The following CTXN1 variants were observed in gnomAD, a reference collection of about 807,000 sequenced individuals.
CTXN1 encodes the protein cortexin-1.
A neutral mutation model predicts 5.5 loss-of-function variants in CTXN1; 4 were observed. The observed-to-expected ratio is 0.73, with a 90% CI of 0.36 to 1.68. CTXN1 has a LOEUF of 1.68. Among genes scored for constraint, CTXN1 ranks in the 40% most tolerant of loss-of-function variants. The pLI is 0.05. For missense variants in CTXN1, 111 were observed against 123.0 expected (o/e 0.90, Z 0.46); for synonymous variants, 67 against 62.8 (o/e 1.07, Z -0.32).
Position 7,925,014 on chromosome 19 carries a change from A to G in CTXN1, c.*276T>C. ...GGGGTCCTCCTCCCGCCCGGGATTC[A>G]GAGTCGGGGGTGGGGGCCAGCCGGG... is the stretch of plus-strand genomic sequence containing the variant. On this transcript the variant is annotated 3_prime_UTR_variant, in exon 2 of 2. Coordinates refer to ENST00000318978, the MANE Select transcript of CTXN1 (RefSeq NM_206833.4). This position sits in a 1 kb window ranked among gnomAD's most constrained non-coding sequence, Gnocchi z 5.0. 1 of 293,348 alleles carries G rather than the reference A, an allele frequency of 3.4e-6. No homozygotes were observed. The highest frequency in any genetic ancestry group is 6.2e-6 in the Non-Finnish European group (1 of 160,046). 18.2% of individuals were successfully genotyped at this position (293,348 alleles called of 1,614,324 possible).
chr19:7,925,038 G>A lies in CTXN1; in HGVS notation c.*252C>T. On this transcript the variant is annotated 3_prime_UTR_variant, in exon 2 of 2. Coordinates refer to ENST00000318978, the MANE Select transcript of CTXN1 (RefSeq NM_206833.4). The surrounding 1 kb of genome is among the most constrained non-coding windows in gnomAD (Gnocchi z 5.0). ...CAGAGTCGGGGGTGGGGGCCAGCCGGGCGGGTGAGATGCGCAGAGAGGAAG... is the reference window on the plus strand; with the variant it reads ...CAGAGTCGGGGGTGGGGGCCAGCCGAGCGGGTGAGATGCGCAGAGAGGAAG... 1 of 334,654 alleles carries A rather than the reference G, an allele frequency of 3.0e-6. No homozygotes were observed. The highest frequency in any genetic ancestry group is 5.4e-6 in the Non-Finnish European group (1 of 185,812). 20.7% of individuals were successfully genotyped at this position (334,654 alleles called of 1,614,324 possible). A position where few individuals can be genotyped will look rare whatever the true frequency, so the allele number is the denominator to read the frequency against.
In CTXN1 at chr19:7,925,419, C is replaced by T. The variant is rs777606181; in HGVS notation, c.120G>A (p.Val40=). The T allele has an allele frequency of 6.9e-6, 11 of 1,588,362 alleles. No individual in the cohort carries two copies. Among genetic ancestry groups the T allele is most frequent in the South Asian group, 3.4e-5 (3 of 88,780 alleles). The part of the protein sequence containing the change: ...TVFAFVLCLL[V]VLVLLMVRCV... ...AGCGCACCATCAACAGCACCAGCAC[C>T]ACGAGCAGGCAGAGCACGAAGGCGA... Residue 40 remains valine, a synonymous_variant, in exon 2 of 2, where the codon GTG becomes GTA. Coordinates refer to ENST00000318978, the MANE Select transcript of CTXN1 (RefSeq NM_206833.4). This position sits in a 1 kb window ranked among gnomAD's most constrained non-coding sequence, Gnocchi z 5.0.
In CTXN1 at chr19:7,925,350, C is replaced by A; in HGVS notation, c.189G>T (p.Ser63=). 6.3e-7 allele frequency: 1 copy of A among 1,576,096 alleles called. No homozygotes were observed. Among genetic ancestry groups the A allele is most frequent in the East Asian group, 2.4e-5 (1 of 41,090 alleles). The change falls in exon 2 of 2, where the codon TCG becomes TCT. Residue 63 remains serine (S), a synonymous_variant. Coordinates refer to ENST00000318978, the MANE Select transcript of CTXN1 (RefSeq NM_206833.4). The surrounding 1 kb of genome is among the most constrained non-coding windows in gnomAD (Gnocchi z 5.0). ...LLDPYSRMPA[S]SWTDHKEALE... ...GCGCCTCCTTGTGGTCGGTCCAGGA[C>A]GAGGCGGGCATGCGGCTGTAGGGGT...
rs1462297062 is a variant in CTXN1 at position 7,925,534 on chromosome 19, C to T, written c.5G>A (p.Ser2Asn). The change falls in exon 2 of 2, where the codon AGC becomes AAC. Residue 2 changes from serine (S) to asparagine (N), a missense_variant. Coordinates refer to ENST00000318978, the MANE Select transcript of CTXN1 (RefSeq NM_206833.4). This position sits in a 1 kb window ranked among gnomAD's most constrained non-coding sequence, Gnocchi z 5.0. Reference sequence around the variant, plus strand: ...CTCCGGCGACAGCGTCCACGTCGCGCTCATGGCTCACATCGCCGCGCGCCC... The same window carrying T: ...CTCCGGCGACAGCGTCCACGTCGCGTTCATGGCTCACATCGCCGCGCGCCC... M[S>N]ATWTLSPEPL... is the part of the protein sequence containing the mutation. 7.0e-7 allele frequency: 1 copy of T among 1,434,722 alleles called. No homozygotes were observed. Among genetic ancestry groups the T allele is most frequent in the Non-Finnish European group, 9.1e-7 (1 of 1,097,850 alleles). 88.9% of individuals were successfully genotyped at this position (1,434,722 alleles called of 1,614,324 possible). A position where few individuals can be genotyped will look rare whatever the true frequency, so the allele number is the denominator to read the frequency against.
Position 7,925,443 on chromosome 19 carries a change from G to C in CTXN1, c.96C>G (p.Phe32Leu). 6.3e-7 allele frequency: 1 copy of C among 1,582,766 alleles called. No individual in the cohort carries two copies. The highest frequency in any genetic ancestry group is 8.5e-7 in the Non-Finnish European group (1 of 1,170,638). Residue 32 changes from phenylalanine (F) to leucine (L), a missense_variant, in exon 2 of 2, where the codon TTC (phenylalanine) becomes TTG (leucine). Physicochemically the swap from Phe to Leu is conservative, Grantham distance 22. Coordinates refer to ENST00000318978, the MANE Select transcript of CTXN1 (RefSeq NM_206833.4). This position sits in a 1 kb window ranked among gnomAD's most constrained non-coding sequence, Gnocchi z 5.0. ...CCACGAGCAGGCAGAGCACGAAGGC[G>C]AACACCGTGCGCTGCTCCGCGTCCA... is the stretch of plus-strand genomic sequence containing the variant. ...AGLDAEQRTV[F>L]AFVLCLLVVL...
In CTXN1 at chr19:7,925,206, G is replaced by C; in HGVS notation, c.*84C>G. The C allele has an allele frequency of 2.7e-6, 3 of 1,097,900 alleles. No individual in the cohort carries two copies. Among genetic ancestry groups the C allele is most frequent in the Non-Finnish European group, 2.3e-6 (2 of 861,710 alleles). The allele number at this position is 1,097,900 out of a possible 1,614,324, so 68.0% of individuals were successfully genotyped here. On this transcript the variant is annotated 3_prime_UTR_variant, in exon 2 of 2. Transcript: ENST00000318978. The surrounding 1 kb of genome is among the most constrained non-coding windows in gnomAD (Gnocchi z 5.0). ...TGGGGGCTCCGGGGCGGGATCCTGA[G>C]CGCAGTCCTGGCCCCGCGGCGCCCC...
chr19:7,926,099 G>GC lies in CTXN1; in HGVS notation c.-154dup, dbSNP rs1568291945. On this transcript the variant is annotated 5_prime_UTR_variant, in exon 1 of 2. Coordinates refer to ENST00000318978, the MANE Select transcript of CTXN1 (RefSeq NM_206833.4). ...GGCTCCGGCTCAGCCCACCCCACCC[G>GC]CCCCTGGAGCGGCGGAGACCGAGGC... The GC allele has an allele frequency of 1.5e-5, 2 of 130,648 alleles. No individual in the cohort carries two copies. The highest frequency in any genetic ancestry group is 5.5e-5 in the African/African-American group (2 of 36,178). 8.1% of individuals were successfully genotyped at this position (130,648 alleles called of 1,614,324 possible).
In CTXN1 at chr19:7,925,278, G is replaced by C. The variant is rs746575134; in HGVS notation, c.*12C>G. The C allele has an allele frequency of 7.3e-7, 1 of 1,364,542 alleles. No homozygotes were observed. Among genetic ancestry groups the C allele is most frequent in the African/African-American group, 1.5e-5 (1 of 67,170 alleles). The allele number at this position is 1,364,542 out of a possible 1,614,324, so 84.5% of individuals were successfully genotyped here. A position where few individuals can be genotyped will look rare whatever the true frequency, so the allele number is the denominator to read the frequency against. ...ACCCCGGCGCAGGGCCGGCTAGGGG[G>C]CGCCGCGCCCCTCACACCAACGCGT... On this transcript the variant is annotated 3_prime_UTR_variant, in exon 2 of 2. Transcript: ENST00000318978. The surrounding 1 kb of genome is among the most constrained non-coding windows in gnomAD (Gnocchi z 5.0).
chr19:7,925,577 G>C lies in CTXN1; in HGVS notation c.-20-19C>G. On this transcript the variant is annotated intron_variant, in intron 1 of 1. Transcript: ENST00000318978. The surrounding 1 kb of genome is among the most constrained non-coding windows in gnomAD (Gnocchi z 5.0). ...GCGCGCCCTGCGGAGGAGGGGACCC[G>C]CCCCGGGCGCCGGGGATGAGGCTGC... 1.5e-6 allele frequency: 2 copies of C among 1,323,522 alleles called. No homozygotes were observed. The highest frequency in any genetic ancestry group is 1.9e-6 in the Non-Finnish European group (2 of 1,043,838). 82.0% of individuals were successfully genotyped at this position (1,323,522 alleles called of 1,614,324 possible). A position where few individuals can be genotyped will look rare whatever the true frequency, so the allele number is the denominator to read the frequency against.
Position 7,925,659 on chromosome 19 carries a change from T to G in CTXN1, c.-20-101A>C. On this transcript the variant is annotated intron_variant, in intron 1 of 1. Coordinates refer to ENST00000318978, the MANE Select transcript of CTXN1 (RefSeq NM_206833.4). The surrounding 1 kb of genome is among the most constrained non-coding windows in gnomAD (Gnocchi z 5.0). ...CCCTCCTGCCGCCGCCGCCGCCGCCTCCCTTAACGTGCCCGACCCCATCCC... is the reference window on the plus strand; with the variant it reads ...CCCTCCTGCCGCCGCCGCCGCCGCCGCCCTTAACGTGCCCGACCCCATCCC... 9.9e-7 allele frequency: 1 copy of G among 1,013,270 alleles called. No homozygotes were observed. Among genetic ancestry groups the G allele is most frequent in the Admixed American group, 4.4e-5 (1 of 22,502 alleles). 62.8% of individuals were successfully genotyped at this position (1,013,270 alleles called of 1,614,324 possible).
In CTXN1 at chr19:7,925,431, G is replaced by A. The variant is rs774212466; in HGVS notation, c.108C>T (p.Leu36=). The change falls in exon 2 of 2, where the codon CTC becomes CTT. Residue 36 remains leucine (L), a synonymous_variant. Coordinates refer to ENST00000318978, the MANE Select transcript of CTXN1 (RefSeq NM_206833.4). This position sits in a 1 kb window ranked among gnomAD's most constrained non-coding sequence, Gnocchi z 5.0. ...ACAGCACCAGCACCACGAGCAGGCA[G>A]AGCACGAAGGCGAACACCGTGCGCT... ...AEQRTVFAFV[L]CLLVVLVLLM... 1.3e-6 allele frequency: 2 copies of A among 1,587,516 alleles called. No homozygotes were observed. The highest frequency in any genetic ancestry group is 1.7e-5 in the Admixed American group (1 of 58,250).
rs1276966827 is a variant in CTXN1 at position 7,925,531 on chromosome 19, G to A, written c.8C>T (p.Ala3Val). 2 of 1,447,340 alleles carry A rather than the reference G, an allele frequency of 1.4e-6. No individual in the cohort carries two copies. The highest frequency in any genetic ancestry group is 1.8e-6 in the Non-Finnish European group (2 of 1,103,936). 89.7% of individuals were successfully genotyped at this position (1,447,340 alleles called of 1,614,324 possible). MS[A>V]TWTLSPEPLP... ...GGGCTCCGGCGACAGCGTCCACGTC[G>A]CGCTCATGGCTCACATCGCCGCGCG... The change falls in exon 2 of 2, where the codon GCG (alanine) becomes GTG (valine). Residue 3 changes from alanine (A) to valine (V), a missense_variant. By Grantham distance (64) the Ala-to-Val change is moderately conservative. Transcript: ENST00000318978. This position sits in a 1 kb window ranked among gnomAD's most constrained non-coding sequence, Gnocchi z 5.0.
In CTXN1 at chr19:7,925,055, G is replaced by T; in HGVS notation, c.*235C>A. 2.8e-6 allele frequency: 1 copy of T among 357,600 alleles called. No individual in the cohort carries two copies. The highest frequency in any genetic ancestry group is 5.0e-6 in the Non-Finnish European group (1 of 200,468). 22.2% of individuals were successfully genotyped at this position (357,600 alleles called of 1,614,324 possible). Reference sequence around the variant, plus strand: ...GCCAGCCGGGCGGGTGAGATGCGCAGAGAGGAAGGGACAGGGCGGATAAAG... The same window carrying T: ...GCCAGCCGGGCGGGTGAGATGCGCATAGAGGAAGGGACAGGGCGGATAAAG... On this transcript the variant is annotated 3_prime_UTR_variant, in exon 2 of 2. Coordinates refer to ENST00000318978, the MANE Select transcript of CTXN1 (RefSeq NM_206833.4). This position sits in a 1 kb window ranked among gnomAD's most constrained non-coding sequence, Gnocchi z 5.0.
At position 7,925,757 on chromosome 19, in the gene CTXN1, C is replaced by T. The variant is rs929278967; in HGVS notation, c.-20-199G>A. On this transcript the variant is annotated intron_variant, in intron 1 of 1. Coordinates refer to ENST00000318978, the MANE Select transcript of CTXN1 (RefSeq NM_206833.4). This position sits in a 1 kb window ranked among gnomAD's most constrained non-coding sequence, Gnocchi z 5.0. ...ATCGCCGCCACCACCACGCGGGGACCCAACTCTGGCCGTGCGCGCAGGTGG... is the reference window on the plus strand; with the variant it reads ...ATCGCCGCCACCACCACGCGGGGACTCAACTCTGGCCGTGCGCGCAGGTGG... Among the ~76,000 whole-genome samples the T allele has an allele frequency of 4.0e-5, 6 of 151,528 alleles. No homozygotes were observed. The highest frequency in any genetic ancestry group is 1.2e-4 in the African/African-American group (5 of 41,356).
Position 7,924,809 on chromosome 19 carries a change from C to T in CTXN1, c.*481G>A, listed in dbSNP as rs1180560019. 1 of 152,898 alleles carries T rather than the reference C, an allele frequency of 6.5e-6. No homozygotes were observed. Among genetic ancestry groups the T allele is most frequent in the African/African-American group, 2.4e-5 (1 of 41,480 alleles). 9.5% of individuals were successfully genotyped at this position (152,898 alleles called of 1,614,324 possible). On this transcript the variant is annotated 3_prime_UTR_variant, in exon 2 of 2. Coordinates refer to ENST00000318978, the MANE Select transcript of CTXN1 (RefSeq NM_206833.4). The stretch of plus-strand genomic sequence containing the variant: ...AGGGCAAATTGGTATGCAGCGTCCG[C>T]CCCGTGGGCCCGGGAGAGCCTGCCC...
chr19:7,925,482 C>CG lies in CTXN1; in HGVS notation c.56dup (p.Val20GlyfsTer157). On this transcript the variant is annotated frameshift_variant, in exon 2 of 2. Transcript: ENST00000318978. LOFTEE classifies it high-confidence loss of function. This position sits in a 1 kb window ranked among gnomAD's most constrained non-coding sequence, Gnocchi z 5.0. ...GCTCCGCGTCCAGGCCCGCGCCCACCGGGGGCCCCGTCGACGGCGGCAGGG... is the reference window on the plus strand; with the variant it reads ...GCTCCGCGTCCAGGCCCGCGCCCACCGGGGGGCCCCGTCGACGGCGGCAGGG... 1 of 1,536,832 alleles carries CG rather than the reference C, an allele frequency of 6.5e-7. No individual in the cohort carries two copies. The highest frequency in any genetic ancestry group is 8.7e-7 in the Non-Finnish European group (1 of 1,148,750).
chr19:7,925,701 C>T lies in CTXN1; in HGVS notation c.-20-143G>A. 1 of 712,488 alleles carries T rather than the reference C, an allele frequency of 1.4e-6. No individual in the cohort carries two copies. The highest frequency in any genetic ancestry group is 3.8e-5 in the East Asian group (1 of 26,414). 44.1% of individuals were successfully genotyped at this position (712,488 alleles called of 1,614,324 possible). ...CCCCATCCCCCGCCCGCGCCTCGGT[C>T]CCCGGGCTACGCCCATGCCCGGCCC... On this transcript the variant is annotated intron_variant, in intron 1 of 1. Transcript: ENST00000318978. The surrounding 1 kb of genome is among the most constrained non-coding windows in gnomAD (Gnocchi z 5.0).
rs1599643608 is a variant in CTXN1, at chr19:7,925,527, C to T, written c.12G>A (p.Thr4=). 8 of 1,459,242 alleles carry T rather than the reference C, an allele frequency of 5.5e-6. No homozygotes were observed. Among genetic ancestry groups the T allele is most frequent in the Non-Finnish European group, 7.2e-6 (8 of 1,109,736 alleles). 90.4% of individuals were successfully genotyped at this position (1,459,242 alleles called of 1,614,324 possible). Residue 4 remains threonine (T), a synonymous_variant, in exon 2 of 2, where the codon ACG becomes ACA. Coordinates refer to ENST00000318978, the MANE Select transcript of CTXN1 (RefSeq NM_206833.4). The surrounding 1 kb of genome is among the most constrained non-coding windows in gnomAD (Gnocchi z 5.0). MSA[T]WTLSPEPLPP... is the part of the protein sequence containing the mutation. ...GCAGGGGCTCCGGCGACAGCGTCCA[C>T]GTCGCGCTCATGGCTCACATCGCCG... is the stretch of plus-strand genomic sequence containing the variant.
Position 7,924,495 on chromosome 19 carries a change from G to C in CTXN1, c.*795C>G, listed in dbSNP as rs1983708915. Reference sequence around the variant, plus strand: ...AACTCAGCACGCTACTTGGCATGCAGTAAGCGCTCAATAATAGCTTTTATT... The same window carrying C: ...AACTCAGCACGCTACTTGGCATGCACTAAGCGCTCAATAATAGCTTTTATT... On this transcript the variant is annotated 3_prime_UTR_variant, in exon 2 of 2. Transcript: ENST00000318978. 6.6e-6 allele frequency: 1 copy of C among 152,272 alleles called. No homozygotes were observed. 9.4% of individuals were successfully genotyped at this position (152,272 alleles called of 1,614,324 possible). A position where few individuals can be genotyped will look rare whatever the true frequency, so the allele number is the denominator to read the frequency against.
Sources: gnomAD v4.1 joint callset for allele counts (sites outside exome capture counted in the v4.1 genomes callset) on GRCh38, gnomAD v4.1.1 for gene constraint, Gnocchi (gnomAD v3.1) non-coding constraint, MANE v1.5 for transcripts, NCBI Gene and HGNC (gene_info 2026-07-23, HGNC 2026-07-21) for gene names.